NR3C1: variants seen among roughly 807,000 people sequenced by gnomAD.
NR3C1 encodes glucocorticoid receptor.
A neutral mutation model predicts 74.0 loss-of-function variants in NR3C1; 14 were observed. The ratio of observed to expected loss-of-function variants is 0.19; its 90% CI spans 0.12 to 0.30. NR3C1 has a LOEUF of 0.30. Ranked by LOEUF, NR3C1 falls within the 10% of genes least tolerant of loss-of-function variation. NR3C1 has a pLI of 1.00. For synonymous variants in NR3C1, 308 were observed against 332.5 expected (o/e 0.93, Z 0.80); for missense variants, 695 against 909.8 (o/e 0.76, Z 3.04).
chr5:143,403,710 C>CA (rs1392257985), upstream of NR3C1: 1 of 985,250 alleles, frequency 1.0e-6, no homozygotes, highest in Non-Finnish European at 1.2e-6. Flanking sequence ...CACACTCGCA[C>CA]ACACGCGCTC....
chr5:143,404,879 G>T (rs1840994085), upstream of NR3C1, among the ~76,000 whole-genome samples: 2 of 152,118 alleles, frequency 1.3e-5, no homozygotes, highest in Admixed American at 1.3e-4. Flanking sequence ...TCGACTCTGT[G>T]CGTTGCTCAC....
chr5:143,362,426 T>C (rs1001217579), intron 2 of NR3C1, among the ~76,000 whole-genome samples: 2 of 150,678 alleles, frequency 1.3e-5, no homozygotes, highest in Non-Finnish European at 3.0e-5. Context: ...AGTAGTGTGA[T>C]CTCGGCTCAC....
chr5:143,361,006 AG>A (rs1832131638), intron 2 of NR3C1, among the ~76,000 whole-genome samples: 1 of 152,234 alleles, frequency 6.6e-6, no homozygotes, highest in African/African-American at 2.4e-5. Context: ...ATAGAAGAAC[AG>A]GAATGAGATA....
chr5:143,293,592 C>T (rs938878088), intron 7 of NR3C1, among the ~76,000 whole-genome samples: 1 of 152,170 alleles, frequency 6.6e-6, no homozygotes, highest in African/African-American at 2.4e-5. Flanking sequence ...CCAGGTTCTA[C>T]AAATGCCGTC....
At chr5:143,389,901 C>G (rs941004047) in intron 2 of NR3C1, 1 of 968,576 alleles carries the variant, frequency 1.0e-6, no homozygotes, top group Admixed American at 6.2e-5. Flanking sequence ...ATGGCTCTTC[C>G]TTCCCATTTC....
chr5:143,355,405 G>A (rs945486874), intron 2 of NR3C1, among the ~76,000 whole-genome samples: 3 of 152,112 alleles, frequency 2.0e-5, no homozygotes, highest in Non-Finnish European at 4.4e-5. Flanking sequence ...GAGCCCAGGA[G>A]TTCAAGAATA....
chr5:143,416,518 A>C (rs2151957575), intron 1 of NR3C1, among the ~76,000 whole-genome samples: 1 of 152,062 alleles, frequency 6.6e-6, no homozygotes, highest in Middle Eastern at 3.5e-3. Flanking sequence ...ATGAATGTCT[A>C]GATCCTAAGG....
chr5:143,309,234 C>T lies in NR3C1; in HGVS notation c.1468+863G>A, dbSNP rs117675230. 2.4e-4 allele frequency among the ~76,000 whole-genome samples: 36 copies of T among 152,020 alleles called. No individual in the cohort carries two copies. The South Asian group carries it at 4.6e-3, about 19-fold the overall frequency. ...GACTACAGGTGACACCACCACGCTC[C>T]GCTAATTTTTGTGTTTTTAGCAGAG... On this transcript the variant is annotated intron_variant, in intron 4 of 8. Coordinates refer to ENST00000394464, the MANE Select transcript of NR3C1 (RefSeq NM_000176.3).
chr5:143,336,155 A>G (rs1600082253), intron 2 of NR3C1, among the ~76,000 whole-genome samples: 1 of 152,244 alleles, frequency 6.6e-6, no homozygotes, highest in Admixed American at 6.5e-5. Context: ...AAAATTTCAA[A>G]TATTTCAAGT....
intron 2 of NR3C1, among the ~76,000 whole-genome samples, chr5:143,358,822 C>A (rs1831665083): frequency 6.6e-6 from 1 of 151,932 alleles, no homozygotes. Flanking sequence ...ATCACTTAAA[C>A]CCGGGAGGCA....
chr5:143,279,360 A>G lies in NR3C1; in HGVS notation c.*2529T>C. On this transcript the variant is annotated 3_prime_UTR_variant, in exon 9 of 9. Transcript: ENST00000394464. ...TTTGAGCGCCAAGATTGTTGGGATG[A>G]AAATCAGATTAATGTGTGAGATGTG... 2 of 1,552,366 alleles carry G rather than the reference A, an allele frequency of 1.3e-6. No homozygotes were observed. The highest frequency in any genetic ancestry group is 1.2e-5 in the South Asian group (1 of 82,120).
chr5:143,416,184 A>T (rs570707338), intron 1 of NR3C1, among the ~76,000 whole-genome samples: 28 of 152,216 alleles, frequency 1.8e-4, no homozygotes, highest in African/African-American at 6.5e-4. Flanking sequence ...TCCACATATG[A>T]TACTAGGACC....
At chr5:143,388,661 TGA>T (rs1420874113) in intron 2 of NR3C1, among the ~76,000 whole-genome samples, 3 of 152,208 alleles carry the variant, frequency 2.0e-5, no homozygotes, top group East Asian at 1.9e-4. Context: ...GACATTTAAA[TGA>T]GAGAGTAAAC....
rs375997809 is a variant in NR3C1 at position 143,310,197 on chromosome 5, T to C, written c.1368A>G (p.Leu456=). ...TGATGCAATCATTCCTTCCAGCACA[T>C]AGGTAATTGTGCTGTCCTATATGGA... The part of the protein sequence containing the change: ...KRAVEGQHNY[L]CAGRNDCIID... The change falls in exon 4 of 9, where the codon CTA becomes CTG. Residue 456 remains leucine, a synonymous_variant. Transcript: ENST00000394464. 71 of 1,611,800 alleles carry C rather than the reference T, an allele frequency of 4.4e-5. No homozygotes were observed. Among genetic ancestry groups the C allele is most frequent in the African/African-American group, 3.9e-4 (29 of 74,876 alleles).
intron 2 of NR3C1, among the ~76,000 whole-genome samples, chr5:143,316,098 G>A (rs769844345): frequency 7.2e-5 from 11 of 152,240 alleles, no homozygotes; most frequent in Non-Finnish European, 1.2e-4. Context: ...AGAATAACCT[G>A]AAATGACTCT....
At chr5:143,429,675 G>A (rs1236365562) in intron 1 of NR3C1, among the ~76,000 whole-genome samples, 2 of 152,160 alleles carry the variant, frequency 1.3e-5, no homozygotes, top group African/African-American at 4.8e-5. Context: ...TATTTATAAA[G>A]AAAATGAGAG....
intron 1 of NR3C1, among the ~76,000 whole-genome samples, chr5:143,433,107 A>T (rs1346780725): frequency 1.3e-5 from 2 of 152,084 alleles, no homozygotes; most frequent in Non-Finnish European, 2.9e-5. Context: ...AAGGCAGGCC[A>T]TTGGTGGGAG....
chr5:143,304,873 T>A (rs1453464013), intron 4 of NR3C1, among the ~76,000 whole-genome samples: 1 of 152,134 alleles, frequency 6.6e-6, no homozygotes, highest in Admixed American at 6.5e-5. Context: ...ACTGGACCCC[T>A]ACCTACTGCC....
chr5:143,399,713 G>C lies in NR3C1; in HGVS notation c.1127C>G (p.Thr376Ser). Residue 376 changes from threonine (T) to serine (S), a missense_variant, in exon 2 of 9, where the codon ACT (threonine) becomes AGT (serine). Thr to Ser is a moderately conservative substitution (Grantham distance 58, BLOSUM62 1). Around this residue, in one of 4 missense-constraint regions of NR3C1, gnomAD observed 497 missense variants for 489.5 expected, o/e 1.02. Transcript: ENST00000394464. Reference protein sequence around the residue: ...RCQGSGDDNLTSLGTLNFPGR... With the variant: ...RCQGSGDDNLSSLGTLNFPGR... ...AGGGAAGTTCAGAGTCCCCAGAGAA[G>C]TCAAGTTGTCATCTCCAGATCCTTG... is the stretch of plus-strand genomic sequence containing the variant. 1 of 1,614,146 alleles carries C rather than the reference G, an allele frequency of 6.2e-7. No individual in the cohort carries two copies. Among genetic ancestry groups the C allele is most frequent in the South Asian group, 1.1e-5 (1 of 91,086 alleles).
Sources: gnomAD v4.1 joint callset for allele counts (sites outside exome capture counted in the v4.1 genomes callset) on GRCh38, gnomAD v4.1.1 for gene constraint, gnomAD v4.1.1 regional missense constraint, MANE v1.5 for transcripts, NCBI Gene and HGNC (gene_info 2026-07-23, HGNC 2026-07-21) for gene names.